Variants in ALDH1A1 observed in about 807,000 individuals in gnomAD.
ALDH1A1 encodes the protein aldehyde dehydrogenase 1 family member A1, also known as aldehyde dehydrogenase 1A1.
ALDH1A1 carries 19 observed loss-of-function variants against 62.1 expected under a neutral mutation model. The ratio of observed to expected loss-of-function variants is 0.31; its 90% CI spans 0.21 to 0.45. ALDH1A1 has a LOEUF of 0.45. Among genes scored for constraint, ALDH1A1 ranks in the 20% least tolerant of loss-of-function variants. ALDH1A1 has a pLI of 1.00. For synonymous variants in ALDH1A1, 231 were observed against 215.9 expected, an observed-to-expected ratio of 1.07 and a Z score of -0.61; for missense variants, 521 against 607.1, an observed-to-expected ratio of 0.86 and a Z score of 1.49.
intron 2 of ALDH1A1, among the ~76,000 whole-genome samples, chr9:72,935,649 C>T (rs1411317528): frequency 6.6e-6 from 1 of 152,158 alleles, no homozygotes; most frequent in Non-Finnish European, 1.5e-5. Flanking sequence ...CCTAAAAGAA[C>T]CACTGAAGTG....
intron 9 of ALDH1A1, among the ~76,000 whole-genome samples, chr9:72,912,771 T>G (rs1295177413): frequency 6.6e-6 from 1 of 152,214 alleles, no homozygotes; most frequent in East Asian, 1.9e-4. Context: ...GAGCCACATC[T>G]AACTATGTGC....
chr9:72,940,139 G>A lies in ALDH1A1; in HGVS notation c.171+9C>T. ...TGGCATAAAATGAAACTAGTGTTCAGAAACTCACCTTATCTCCTTCTTCTA... is the reference window on the plus strand; with the variant it reads ...TGGCATAAAATGAAACTAGTGTTCAAAAACTCACCTTATCTCCTTCTTCTA... On this transcript the variant is annotated intron_variant, in intron 2 of 12. Coordinates refer to ENST00000297785, the MANE Select transcript of ALDH1A1 (RefSeq NM_000689.5). 1 of 1,602,364 alleles carries A rather than the reference G, an allele frequency of 6.2e-7. No homozygotes were observed. The highest frequency in any genetic ancestry group is 8.5e-7 in the Non-Finnish European group (1 of 1,169,740).
At chr9:72,925,163 T>C (rs143587775) in intron 6 of ALDH1A1, among the ~76,000 whole-genome samples, 314 of 152,336 alleles carry the variant, frequency 2.1e-3, no homozygotes, top group African/African-American at 7.2e-3. Context: ...ACCAACTTAA[T>C]GTTTCAACAT....
intron 1 of ALDH1A1, among the ~76,000 whole-genome samples, chr9:72,951,330 G>A (rs529709673): frequency 7.2e-5 from 11 of 151,786 alleles, no homozygotes; most frequent in African/African-American, 2.7e-4. Context: ...GTCTAGTACC[G>A]CTTCTTACAT....
At chr9:72,942,396 A>G in intron 1 of ALDH1A1, 1 of 983,244 alleles carries the variant, frequency 1.0e-6, no homozygotes, top group Non-Finnish European at 1.2e-6. Flanking sequence ...TATCTCTCAC[A>G]CACTTTCCTT....
chr9:72,912,385 A>C lies in ALDH1A1; in HGVS notation c.1036-263T>G, dbSNP rs146642076. On this transcript the variant is annotated intron_variant, in intron 9 of 12. Coordinates refer to ENST00000297785, the MANE Select transcript of ALDH1A1 (RefSeq NM_000689.5). ...TAGGAAAGCATTCAGCACTGCAAAC[A>C]CATAAAAAACACATAAATGACAATC... 5.9e-5 allele frequency among the ~76,000 whole-genome samples: 9 copies of C among 152,318 alleles called. No homozygotes were observed. The East Asian group carries it at 1.5e-3, about 26-fold the overall frequency.
rs1411999264 is a variant in ALDH1A1, at chr9:72,925,490, T to C, written c.627A>G (p.Ile209Met). 12 of 1,612,456 alleles carry C rather than the reference T, an allele frequency of 7.4e-6. No homozygotes were observed. The highest frequency in any genetic ancestry group is 1.0e-5 in the Non-Finnish European group (12 of 1,179,562). Residue 209 changes from isoleucine to methionine, a missense_variant, in exon 6 of 13, where the codon ATA becomes ATG. By Grantham distance (10) the Ile-to-Met change is conservative. Coordinates refer to ENST00000297785, the MANE Select transcript of ALDH1A1 (RefSeq NM_000689.5). ...PLTALHVASL[I>M]KEAGFPPGVV... ...TTGATTTCGGGAGACTTACCTCTTT[T>C]ATTAAAGATGCCACGTGGAGAGCAG...
At chr9:72,912,219 AT>A in intron 9 of ALDH1A1, 97 bp from the exon 10 acceptor site, 1 of 972,450 alleles carries the variant, frequency 1.0e-6, no homozygotes, top group Admixed American at 2.6e-5. Flanking sequence ...ATGCTAAAAT[AT>A]TGCAATTAAA....
At chr9:72,933,610 A>AAAAAT (rs1564637328) in intron 2 of ALDH1A1, among the ~76,000 whole-genome samples, 19 of 119,014 alleles carry the variant, frequency 1.6e-4, no homozygotes, top group Non-Finnish European at 2.1e-4. Context: ...AAAAAAAAAA[A>AAAAAT]AAAGAAAAAG....
intron 12 of ALDH1A1, among the ~76,000 whole-genome samples, chr9:72,902,270 T>C (rs1407013855): frequency 6.6e-6 from 1 of 152,048 alleles, no homozygotes; most frequent in Non-Finnish European, 1.5e-5. Context: ...TATATTGTTT[T>C]GATAAGAGGA....
intron 9 of ALDH1A1, among the ~76,000 whole-genome samples, chr9:72,913,694 C>G (rs1478473927): frequency 6.6e-6 from 1 of 152,206 alleles, no homozygotes; most frequent in Non-Finnish European, 1.5e-5. Context: ...TGTTGGAAAA[C>G]TTAGATGGTC....
At chr9:72,946,349 C>T (rs781575946) in intron 1 of ALDH1A1, among the ~76,000 whole-genome samples, 7 of 151,956 alleles carry the variant, frequency 4.6e-5, no homozygotes, top group East Asian at 1.9e-4. Context: ...GGGGAGGGAA[C>T]GGTTCAGGCA....
chr9:72,936,207 A>T (rs1224320084), intron 2 of ALDH1A1, among the ~76,000 whole-genome samples: 4 of 152,210 alleles, frequency 2.6e-5, no homozygotes, highest in Admixed American at 2.6e-4. Flanking sequence ...TAAGTCTTCC[A>T]GTATGATCAT....
At chr9:72,907,961 G>T (rs563609847) in intron 11 of ALDH1A1, among the ~76,000 whole-genome samples, 3 of 152,046 alleles carry the variant, frequency 2.0e-5, no homozygotes, top group Non-Finnish European at 2.9e-5. Context: ...TGTTACAATG[G>T]CATTTAAATT....
intron 1 of ALDH1A1, among the ~76,000 whole-genome samples, chr9:72,945,516 G>A (rs1037126414): frequency 1.3e-5 from 2 of 151,984 alleles, no homozygotes; most frequent in South Asian, 4.1e-4. Flanking sequence ...TCAAACTTGA[G>A]AACTGAGTCA....
chr9:72,929,598 G>A (rs1175598161), intron 3 of ALDH1A1, among the ~76,000 whole-genome samples: 2 of 152,116 alleles, frequency 1.3e-5, no homozygotes, highest in Non-Finnish European at 1.5e-5. Context: ...TTAATGGTCA[G>A]GTAAAGTTAA....
intron 2 of ALDH1A1, among the ~76,000 whole-genome samples, chr9:72,936,525 G>A (rs1433884181): frequency 6.6e-6 from 1 of 152,142 alleles, no homozygotes; most frequent in Non-Finnish European, 1.5e-5. Context: ...CACCTTCCCA[G>A]GCCTGCTAGA....
At chr9:72,934,289 T>C (rs1564637671) in intron 2 of ALDH1A1, among the ~76,000 whole-genome samples, 2 of 152,184 alleles carry the variant, frequency 1.3e-5, no homozygotes, top group Non-Finnish European at 2.9e-5. Flanking sequence ...CTCTGAACAA[T>C]TTTAGGCCCT....
At chr9:72,921,939 G>T (rs73647849) in intron 7 of ALDH1A1, among the ~76,000 whole-genome samples, 5,404 of 152,072 alleles carry the variant, frequency 0.036, 308 homozygotes, top group African/African-American at 0.12. Flanking sequence ...GCCAGAGAGG[G>T]AACGTGTGGG....
Sources: allele counts gnomAD v4.1 joint callset (sites outside exome capture counted in the v4.1 genomes callset), GRCh38; gene constraint gnomAD v4.1.1; transcripts MANE v1.5; gene names NCBI Gene and HGNC (gene_info 2026-07-23, HGNC 2026-07-21).